The following LRRC63 variants were observed in gnomAD, a reference collection of about 807,000 sequenced individuals.
LRRC63 encodes the protein leucine rich repeat containing 63.
A neutral mutation model predicts 49.5 loss-of-function variants in LRRC63; 40 were observed. The observed-to-expected ratio is 0.81, with a 90% confidence interval of 0.63 to 1.05. LRRC63 has a LOEUF of 1.05. Among genes scored for constraint, LRRC63 ranks in the 50% least tolerant of loss-of-function variants. The pLI, the probability that LRRC63 is intolerant of heterozygous loss-of-function variation, is 0.00. For missense variants in LRRC63, 636 were observed against 663.1 expected (o/e 0.96, Z 0.45); for synonymous variants, 191 against 221.1 (o/e 0.86, Z 1.21).
intron 8 of LRRC63, among the ~76,000 whole-genome samples, chr13:46,262,948 T>G (rs1239619581): frequency 6.6e-6 from 1 of 152,198 alleles, no homozygotes; most frequent in Admixed American, 6.5e-5. Flanking sequence ...TTTAGCAGAA[T>G]GAGATAATTT....
At chr13:46,226,316 TG>T (rs1350848177) in intron 2 of LRRC63, among the ~76,000 whole-genome samples, 1 of 152,180 alleles carries the variant, frequency 6.6e-6, no homozygotes, top group Admixed American at 6.5e-5. Context: ...TTATAGTTTT[TG>T]GTTCCTCTAT....
At chr13:46,226,403 T>C (rs866541595) in intron 2 of LRRC63, among the ~76,000 whole-genome samples, 1 of 152,206 alleles carries the variant, frequency 6.6e-6, no homozygotes, top group African/African-American at 2.4e-5. Context: ...ATCAGTCTTG[T>C]ACCCCATGGA....
At chr13:46,228,359 T>G (rs562420764) in intron 3 of LRRC63, among the ~76,000 whole-genome samples, 170 bp downstream of exon 3, 2 of 152,338 alleles carry the variant, frequency 1.3e-5, no homozygotes, top group Non-Finnish European at 2.9e-5. Context: ...ACAGAAGTCC[T>G]GACCTTGCAG....
chr13:46,225,993 C>CTT lies in LRRC63; in HGVS notation c.86-1510_86-1509dup, dbSNP rs11370009. Among the ~76,000 whole-genome samples, 199 of 148,146 alleles carry CTT rather than the reference C, an allele frequency of 1.3e-3. 1 individual carries two copies. Among genetic ancestry groups the CTT allele is most frequent in the African/African-American group, 4.2e-3 (169 of 40,284 alleles). The stretch of plus-strand genomic sequence containing the variant: ...TCTATTCTTTTCATTTTTCCTTTTT[C>CTT]TTTTTTTTTTGACAGGGTCTCACTC... On this transcript the variant is annotated intron_variant, in intron 2 of 9. Transcript: ENST00000595396.
exon 3 of LRRC63, chr13:46,227,739 A>G (rs2046617971): frequency 1.9e-6 from 3 of 1,550,514 alleles, no homozygotes; most frequent in Non-Finnish European, 2.6e-6. Context: ...AGATACTGCT[A>G]CTGGTTCCAT....
At chr13:46,261,308 CAGTT>C (rs1555329371) in intron 7 of LRRC63, among the ~76,000 whole-genome samples, 4 of 152,180 alleles carry the variant, frequency 2.6e-5, no homozygotes, top group South Asian at 2.1e-4. Context: ...TTTGCAGATG[CAGTT>C]AGTTAATATA....
intron 6 of LRRC63, among the ~76,000 whole-genome samples, chr13:46,249,590 A>T (rs964355107): frequency 2.6e-5 from 4 of 151,900 alleles, no homozygotes; most frequent in Non-Finnish European, 4.4e-5. Flanking sequence ...TGGCTCCATG[A>T]TCTTAAAAAT....
intron 2 of LRRC63, among the ~76,000 whole-genome samples, chr13:46,223,901 C>T (rs114348878): frequency 0.02 from 3,048 of 152,174 alleles, 106 homozygotes; most frequent in African/African-American, 0.069. Context: ...AAAAAACCCA[C>T]AGAAATCCAA....
chr13:46,219,632 T>C (rs2046348414), intron 2 of LRRC63, among the ~76,000 whole-genome samples: 1 of 152,210 alleles, frequency 6.6e-6, no homozygotes, highest in South Asian at 2.1e-4. Context: ...CCATCCAGTT[T>C]TGTTTCCTTG....
intron 7 of LRRC63, among the ~76,000 whole-genome samples, chr13:46,259,206 C>A (rs2138566589): frequency 6.6e-6 from 1 of 152,208 alleles, no homozygotes; most frequent in East Asian, 1.9e-4. Context: ...TTTGATTTGT[C>A]TTTTCAACTC....
At chr13:46,273,490 T>C (rs2047787762) in intron 9 of LRRC63, among the ~76,000 whole-genome samples, 1 of 151,014 alleles carries the variant, frequency 6.6e-6, no homozygotes, top group Admixed American at 6.6e-5. Context: ...TAGTCCCAGC[T>C]ACTCAGGAGG....
chr13:46,213,085 T>TA lies in LRRC63; in HGVS notation c.53dup (p.Leu19AlafsTer5). ...GAAGACCCTTACCTCCAAAATTCAC[T>TA]AAGCTGTCTTTACATGAGAAAAAAA... is the stretch of plus-strand genomic sequence containing the variant. On this transcript the variant is annotated frameshift_variant, in exon 2 of 10. Coordinates refer to ENST00000595396, the Ensembl canonical transcript of LRRC63. LOFTEE classifies it high-confidence loss of function. The TA allele has an allele frequency of 1.3e-6, 2 of 1,549,780 alleles. No individual in the cohort carries two copies. The highest frequency in any genetic ancestry group is 1.7e-6 in the Non-Finnish European group (2 of 1,146,652).
At chr13:46,252,964 G>A (rs1023578478) in intron 7 of LRRC63, among the ~76,000 whole-genome samples, 2 of 152,030 alleles carry the variant, frequency 1.3e-5, no homozygotes, top group African/African-American at 2.4e-5. Flanking sequence ...CCATATGTGA[G>A]TGGTAGAGTC....
intron 4 of LRRC63, 21 bp from the exon 5 acceptor site, chr13:46,234,171 T>C (rs2046840760): frequency 1.3e-6 from 2 of 1,533,496 alleles, no homozygotes; most frequent in Non-Finnish European, 1.8e-6. Context: ...TTTTATGTTT[T>C]GTTTTGTTTT....
chr13:46,245,151 G>A lies in LRRC63; in HGVS notation c.991-1376G>A, dbSNP rs376493728. On this transcript the variant is annotated intron_variant, in intron 5 of 9. Transcript: ENST00000595396. ...AAAGGGTCAATTCATCAAGAACACAGAACAATCTAAATGTGTATAGATATA... is the reference window on the plus strand; with the variant it reads ...AAAGGGTCAATTCATCAAGAACACAAAACAATCTAAATGTGTATAGATATA... Among the ~76,000 whole-genome samples, 20 of 152,178 alleles carry A rather than the reference G, an allele frequency of 1.3e-4. No individual in the cohort carries two copies. The East Asian group carries it at 1.9e-3, about 15-fold the overall frequency.
chr13:46,231,817 T>A (rs1459586703), intron 4 of LRRC63, among the ~76,000 whole-genome samples: 1 of 138,852 alleles, frequency 7.2e-6, no homozygotes, highest in Non-Finnish European at 1.5e-5. Context: ...GCCACACACT[T>A]TTTTTTTTTT....
chr13:46,230,869 G>A lies in LRRC63; in HGVS notation c.832+2136G>A, dbSNP rs575856839. Among the ~76,000 whole-genome samples the A allele has an allele frequency of 8.8e-4, 134 of 152,266 alleles. 1 individual carries two copies. Among genetic ancestry groups the A allele is most frequent in the Non-Finnish European group, 1.5e-3 (105 of 68,010 alleles). ...AGCATAGGCTGTTACAAGCAGCCAG[G>A]CCAAATCTTGAATGCTTTGCTGCTT... On this transcript the variant is annotated intron_variant, in intron 4 of 9. Transcript: ENST00000595396.
intron 4 of LRRC63, among the ~76,000 whole-genome samples, chr13:46,232,346 A>G (rs1200361636): frequency 1.3e-5 from 2 of 152,248 alleles, no homozygotes; most frequent in African/African-American, 4.8e-5. Context: ...GTAAGCTGTG[A>G]ATGTATAGAA....
chr13:46,261,062 C>A (rs1232592735), intron 7 of LRRC63, among the ~76,000 whole-genome samples: 1 of 152,198 alleles, frequency 6.6e-6, no homozygotes, highest in East Asian at 1.9e-4. Context: ...CTTCAAGAAG[C>A]AATTCCCACT....
Sources: allele counts gnomAD v4.1 joint callset (sites outside exome capture counted in the v4.1 genomes callset), GRCh38; gene constraint gnomAD v4.1.1; transcripts MANE v1.5; gene names NCBI Gene and HGNC (gene_info 2026-07-23, HGNC 2026-07-21).